RABGAP1L: variants seen among roughly 807,000 people sequenced by gnomAD.
RABGAP1L encodes the protein rab GTPase-activating protein 1-like.
Under a neutral mutation model 137.7 loss-of-function variants are expected in RABGAP1L, and 63 were observed. The observed-to-expected ratio is 0.46, with a 90% confidence interval of 0.37 to 0.56. The LOEUF (loss-of-function observed/expected upper bound fraction) is 0.56. Among genes scored for constraint, RABGAP1L ranks in the 20% least tolerant of loss-of-function variants. The pLI, the probability that RABGAP1L is intolerant of heterozygous loss-of-function variation, is 0.00. For missense variants in RABGAP1L, 1,095 were observed against 1,244.0 expected, an observed-to-expected ratio of 0.88 and a Z score of 1.80; for synonymous variants, 431 against 433.7, an observed-to-expected ratio of 0.99 and a Z score of 0.08.
chr1:174,571,052 A>G (rs542079532), intron 13 of RABGAP1L, among the ~76,000 whole-genome samples: 1 of 152,332 alleles, frequency 6.6e-6, no homozygotes, highest in East Asian at 1.9e-4. Flanking sequence ...GAGAAAGAAA[A>G]TGTTGTACAT....
At chr1:174,956,125 T>C (rs1445642713) in intron 19 of RABGAP1L, among the ~76,000 whole-genome samples, 1 of 152,214 alleles carries the variant, frequency 6.6e-6, no homozygotes, top group African/African-American at 2.4e-5. Flanking sequence ...CATTTAATTC[T>C]CCTGACACCA....
At chr1:174,723,068 G>T (rs1681702662) in intron 17 of RABGAP1L, among the ~76,000 whole-genome samples, 2 of 151,988 alleles carry the variant, frequency 1.3e-5, no homozygotes, top group East Asian at 3.9e-4. Flanking sequence ...ATAGGAATTT[G>T]CTGGGTTTTT....
intron 18 of RABGAP1L, among the ~76,000 whole-genome samples, chr1:174,804,422 C>G (rs1449656765): frequency 1.1e-4 from 17 of 151,940 alleles, no homozygotes; most frequent in East Asian, 3.9e-4. Context: ...AGGCGCCCAC[C>G]ACCATGCCTG....
chr1:174,443,093 T>C (rs1654338448), intron 13 of RABGAP1L, among the ~76,000 whole-genome samples: 3 of 152,204 alleles, frequency 2.0e-5, no homozygotes, highest in South Asian at 4.1e-4. Context: ...TATATACATA[T>C]TGCTTTTTTT....
intron 15 of RABGAP1L, among the ~76,000 whole-genome samples, chr1:174,690,813 G>A (rs1002864928): frequency 1.4e-5 from 2 of 148,006 alleles, no homozygotes; most frequent in Non-Finnish European, 3.0e-5. Flanking sequence ...GAGTTTGAAG[G>A]TTCACCAGCA....
intron 13 of RABGAP1L, among the ~76,000 whole-genome samples, chr1:174,411,540 T>G (rs1649928426): frequency 6.6e-6 from 1 of 152,048 alleles, no homozygotes; most frequent in Non-Finnish European, 1.5e-5. Context: ...TCAATCAAAT[T>G]TATTAAATTT....
chr1:174,460,866 AGATGGATGGATG>A (rs1022702904), intron 13 of RABGAP1L, among the ~76,000 whole-genome samples: 8 of 152,062 alleles, frequency 5.3e-5, no homozygotes, highest in Non-Finnish European at 1.5e-5. Context: ...GTAGGTAGGC[AGATGGATGGATG>A]GATGGATGGA....
intron 11 of RABGAP1L, among the ~76,000 whole-genome samples, chr1:174,337,186 A>G (rs1414061895): frequency 6.6e-6 from 1 of 151,976 alleles, no homozygotes; most frequent in East Asian, 1.9e-4. Flanking sequence ...CAGAGTTCAG[A>G]TGACTGTAAT....
rs568015547 is a variant in RABGAP1L at position 174,648,990 on chromosome 1, A to C, written c.1824+11502A>C. 2.0e-5 allele frequency among the ~76,000 whole-genome samples: 3 copies of C among 152,204 alleles called. No homozygotes were observed. In the East Asian group the frequency reaches 5.8e-4, roughly 29 times the overall value. ...TGACTTTTTTGATCTTTGTTGGTTTAAAGTCTGTTTTATCAGAGACTAGGA... is the reference window on the plus strand; with the variant it reads ...TGACTTTTTTGATCTTTGTTGGTTTCAAGTCTGTTTTATCAGAGACTAGGA... On this transcript the variant is annotated intron_variant, in intron 14 of 25. Coordinates refer to ENST00000681986, the MANE Select transcript of RABGAP1L (RefSeq NM_001366446.1).
intron 1 of RABGAP1L, among the ~76,000 whole-genome samples, chr1:174,169,199 T>TCC (rs1433242295): frequency 6.6e-6 from 1 of 152,100 alleles, no homozygotes. Context: ...AAATTAGCCA[T>TCC]CCCTACCATT....
intron 17 of RABGAP1L, among the ~76,000 whole-genome samples, chr1:174,711,034 G>A (rs980641397): frequency 6.6e-6 from 1 of 152,148 alleles, no homozygotes; most frequent in Non-Finnish European, 1.5e-5. Context: ...GCTAAAGCCC[G>A]GCGAGAAGTC....
chr1:174,903,688 C>T (rs1180425327), intron 19 of RABGAP1L, among the ~76,000 whole-genome samples: 3 of 151,862 alleles, frequency 2.0e-5, no homozygotes, highest in South Asian at 4.2e-4. Context: ...GCGGTACTAA[C>T]GCCTGTAATC....
intron 19 of RABGAP1L, among the ~76,000 whole-genome samples, chr1:174,814,656 C>T (rs1210142259): frequency 1.3e-5 from 2 of 151,842 alleles, no homozygotes; most frequent in Non-Finnish European, 2.9e-5. Context: ...CTTACCCTTA[C>T]ACTGAGGCAC....
intron 7 of RABGAP1L, among the ~76,000 whole-genome samples, chr1:174,264,770 G>A (rs1673905702): frequency 6.6e-6 from 1 of 151,418 alleles, no homozygotes; most frequent in African/African-American, 2.4e-5. Flanking sequence ...CTAGAGGAAA[G>A]GGATTAAAGA....
intron 19 of RABGAP1L, among the ~76,000 whole-genome samples, chr1:174,887,461 C>G (rs1323393185): frequency 6.6e-6 from 1 of 152,096 alleles, no homozygotes; most frequent in Non-Finnish European, 1.5e-5. Context: ...ATTCATTTTA[C>G]TGGAAACTTT....
At chr1:174,979,452 AC>A (rs1345783031) in intron 23 of RABGAP1L, among the ~76,000 whole-genome samples, 2 of 152,102 alleles carry the variant, frequency 1.3e-5, no homozygotes, top group African/African-American at 2.4e-5. Flanking sequence ...GAATAGAAAA[AC>A]CTTTTGATGA....
intron 12 of RABGAP1L, among the ~76,000 whole-genome samples, chr1:174,373,315 G>T (rs1685258444): frequency 6.6e-6 from 1 of 152,192 alleles, no homozygotes; most frequent in African/African-American, 2.4e-5. Context: ...GCATTTTAAT[G>T]CAGATAATTG....
At chr1:174,510,386 T>C (rs1260604263) in intron 13 of RABGAP1L, among the ~76,000 whole-genome samples, 2 of 152,252 alleles carry the variant, frequency 1.3e-5, no homozygotes, top group Non-Finnish European at 2.9e-5. Context: ...AAATATTTGC[T>C]GAATGAATAG....
At chr1:174,651,823 T>G (rs1184439755) in intron 14 of RABGAP1L, among the ~76,000 whole-genome samples, 1 of 152,224 alleles carries the variant, frequency 6.6e-6, no homozygotes, top group Non-Finnish European at 1.5e-5. Flanking sequence ...TTGGAGCATT[T>G]ATTCCATTTA....
Sources: gnomAD v4.1 joint callset for allele counts (sites outside exome capture counted in the v4.1 genomes callset) on GRCh38, gnomAD v4.1.1 for gene constraint, MANE v1.5 for transcripts, NCBI Gene and HGNC (gene_info 2026-07-23, HGNC 2026-07-21) for gene names.